Variants in PEX5L observed in about 807,000 individuals in gnomAD.
PEX5L encodes peroxisomal biogenesis factor 5 like.
In PEX5L, 30 loss-of-function variants were observed where a neutral mutation model predicts 84.0. The observed-to-expected ratio is 0.36, with a 90% CI of 0.27 to 0.48. PEX5L has a LOEUF of 0.48. Ranked by LOEUF, PEX5L falls within the 20% of genes least tolerant of loss-of-function variation. The probability of loss-of-function intolerance (pLI) is 0.99; values close to 1 mark genes in which losing one functional copy is unlikely to be tolerated. For missense variants in PEX5L, 533 were observed against 754.6 expected (o/e 0.71, Z 3.44); for synonymous variants, 270 against 283.1 (o/e 0.95, Z 0.46).
intron 1 of PEX5L, among the ~76,000 whole-genome samples, chr3:180,023,613 A>G (rs189226843): frequency 3.4e-4 from 52 of 152,292 alleles, no homozygotes; most frequent in African/African-American, 1.3e-3. Context: ...ATAATAATAG[A>G]ATCCTAGAGC....
At chr3:179,961,201 A>ATGTGTGTGTGTG (rs72242969) in intron 2 of PEX5L, among the ~76,000 whole-genome samples, 117 of 65,324 alleles carry the variant, frequency 1.8e-3, no homozygotes, top group African/African-American at 4.1e-3. Context: ...GTGTATGTGT[A>ATGTGTGTGTGTG]TGTGTGTGTG....
At chr3:180,032,785 C>T (rs1234208487) in intron 1 of PEX5L, among the ~76,000 whole-genome samples, 2 of 152,060 alleles carry the variant, frequency 1.3e-5, no homozygotes, top group Non-Finnish European at 2.9e-5. Context: ...GCCAGGGAGG[C>T]ATAGCAAGCA....
chr3:180,010,633 C>A (rs1361838950), intron 1 of PEX5L, among the ~76,000 whole-genome samples: 3 of 151,722 alleles, frequency 2.0e-5, no homozygotes, highest in Non-Finnish European at 4.4e-5. Context: ...AGTTTTCTTA[C>A]TTTTAAGGCA....
intron 2 of PEX5L, among the ~76,000 whole-genome samples, chr3:179,967,379 G>T (rs1292689066): frequency 6.6e-6 from 1 of 152,140 alleles, no homozygotes; most frequent in African/African-American, 2.4e-5. Flanking sequence ...GTGAAGTGGT[G>T]ATGCCTAGCT....
intron 1 of PEX5L, among the ~76,000 whole-genome samples, chr3:179,988,974 T>C (rs902122712): frequency 6.6e-6 from 1 of 152,214 alleles, no homozygotes; most frequent in African/African-American, 2.4e-5. Flanking sequence ...AACTTCAAAA[T>C]GCAAGTATAC....
chr3:179,893,389 T>C (rs60496451), intron 3 of PEX5L, among the ~76,000 whole-genome samples: 40,422 of 152,050 alleles, frequency 0.27, 6,271 homozygotes, highest in East Asian at 0.61. Flanking sequence ...GATGAAAAGA[T>C]GTTTTGCTTT....
chr3:179,864,609 A>G (rs1410992706), intron 7 of PEX5L, among the ~76,000 whole-genome samples: 1 of 152,108 alleles, frequency 6.6e-6, no homozygotes, highest in Non-Finnish European at 1.5e-5. Context: ...CAAGAGATCT[A>G]TGGCACATTA....
chr3:180,014,295 AC>A (rs1348700768), intron 1 of PEX5L, among the ~76,000 whole-genome samples: 1 of 152,148 alleles, frequency 6.6e-6, no homozygotes, highest in East Asian at 1.9e-4. Context: ...ACACGGTGAA[AC>A]CCCGTCTCTA....
At chr3:179,939,609 T>C (rs1560811436) in intron 2 of PEX5L, among the ~76,000 whole-genome samples, 1 of 152,164 alleles carries the variant, frequency 6.6e-6, no homozygotes, top group Non-Finnish European at 1.5e-5. Context: ...ACTTAGAACA[T>C]ATAGCCCAGT....
At chr3:179,847,693 AT>A (rs145178501) in intron 8 of PEX5L, among the ~76,000 whole-genome samples, 2,408 of 152,072 alleles carry the variant, frequency 0.016, 51 homozygotes, top group African/African-American at 0.052. Context: ...ATTTTACTTT[AT>A]AAAAAGTTTT....
intron 2 of PEX5L, among the ~76,000 whole-genome samples, chr3:179,942,128 G>C (rs1776305700): frequency 6.6e-6 from 1 of 152,072 alleles, no homozygotes; most frequent in South Asian, 2.1e-4. Flanking sequence ...TTTACCACTG[G>C]AGGAAAAGCT....
chr3:179,888,478 C>T (rs1369371860), intron 3 of PEX5L, among the ~76,000 whole-genome samples: 1 of 152,086 alleles, frequency 6.6e-6, no homozygotes, highest in African/African-American at 2.4e-5. Flanking sequence ...CTAATTTCAG[C>T]AATCTTTCAG....
At chr3:179,997,435 C>G (rs1234107906) in intron 1 of PEX5L, among the ~76,000 whole-genome samples, 1 of 152,166 alleles carries the variant, frequency 6.6e-6, no homozygotes, top group East Asian at 1.9e-4. Context: ...CTGGCAGAAC[C>G]CCCACATTGG....
intron 7 of PEX5L, among the ~76,000 whole-genome samples, chr3:179,870,034 A>G (rs1749743883): frequency 6.6e-6 from 1 of 152,198 alleles, no homozygotes; most frequent in African/African-American, 2.4e-5. Context: ...GGGGACTCAG[A>G]TGAACTTTAC....
chr3:180,000,170 C>G (rs1228285712), intron 1 of PEX5L, among the ~76,000 whole-genome samples: 1 of 152,102 alleles, frequency 6.6e-6, no homozygotes, highest in Admixed American at 6.6e-5. Context: ...ATGCTGCCAC[C>G]AGGAGACACA....
intron 9 of PEX5L, 39 bp from the exon 10 acceptor site, chr3:179,816,043 T>A: frequency 6.3e-7 from 1 of 1,598,138 alleles, no homozygotes; most frequent in Non-Finnish European, 8.6e-7. Flanking sequence ...AGCCATTGAT[T>A]TCTCTTCTCA....
intron 8 of PEX5L, among the ~76,000 whole-genome samples, chr3:179,845,196 C>CA (rs762998975): frequency 1.3e-5 from 2 of 152,226 alleles, no homozygotes; most frequent in Admixed American, 6.5e-5. Flanking sequence ...TCCAATAATC[C>CA]AATATATTCT....
At chr3:179,847,509 T>C (rs1324504957) in intron 8 of PEX5L, among the ~76,000 whole-genome samples, 1 of 152,212 alleles carries the variant, frequency 6.6e-6, no homozygotes, top group African/African-American at 2.4e-5. Flanking sequence ...AAGCATATTA[T>C]ATGAATAAAG....
At chr3:179,994,600 A>C (rs745534277) in intron 1 of PEX5L, among the ~76,000 whole-genome samples, 1 of 152,098 alleles carries the variant, frequency 6.6e-6, no homozygotes, top group Admixed American at 6.6e-5. Flanking sequence ...TGGCTGGAAA[A>C]ACCATGTACA....
Sources: allele counts gnomAD v4.1 joint callset (sites outside exome capture counted in the v4.1 genomes callset), GRCh38; gene constraint gnomAD v4.1.1; transcripts MANE v1.5; gene names NCBI Gene and HGNC (gene_info 2026-07-23, HGNC 2026-07-21).